PRKCB: variants seen among roughly 807,000 people sequenced by gnomAD.
PRKCB encodes the protein protein kinase C beta, also known as protein kinase C beta type.
A neutral mutation model predicts 81.5 loss-of-function variants in PRKCB; 13 were observed. That is an observed-to-expected ratio of 0.16 (90% CI 0.10 to 0.25). PRKCB has a LOEUF of 0.25. Among genes scored for constraint, PRKCB ranks in the 10% least tolerant of loss-of-function variants. The pLI, the probability that PRKCB is intolerant of heterozygous loss-of-function variation, is 1.00. For synonymous variants in PRKCB, 335 were observed against 321.4 expected (o/e 1.04, Z -0.45); for missense variants, 509 against 875.7 (o/e 0.58, Z 5.29).
At chr16:23,910,677 TAA>T (rs1963638199) in intron 2 of PRKCB, among the ~76,000 whole-genome samples, 1 of 152,236 alleles carries the variant, frequency 6.6e-6, no homozygotes, top group African/African-American at 2.4e-5. Flanking sequence ...TCATATAATG[TAA>T]AATTCACATT....
intron 5 of PRKCB, among the ~76,000 whole-genome samples, chr16:24,070,301 A>G (rs1301999681): frequency 6.6e-6 from 1 of 151,992 alleles, no homozygotes; most frequent in Non-Finnish European, 1.5e-5. Context: ...GGCATGTGCC[A>G]TCACTCTTGG....
intron 5 of PRKCB, among the ~76,000 whole-genome samples, chr16:24,075,760 A>G (rs1966169082): frequency 6.6e-6 from 1 of 152,154 alleles, no homozygotes; most frequent in Non-Finnish European, 1.5e-5. Flanking sequence ...TTGTAACTAT[A>G]TTTCTGTCCA....
chr16:23,964,917 G>A (rs1380706296), intron 2 of PRKCB, among the ~76,000 whole-genome samples: 1 of 152,092 alleles, frequency 6.6e-6, no homozygotes, highest in African/African-American at 2.4e-5. Flanking sequence ...TGATCCACCC[G>A]CCTTGGCCTC....
intron 7 of PRKCB, among the ~76,000 whole-genome samples, chr16:24,108,343 AAATTT>A (rs1437848321): frequency 0.027 from 3,417 of 126,532 alleles, 139 homozygotes; most frequent in African/African-American, 0.097. Flanking sequence ...ATTTTTTTTT[AAATTT>A]ATTTATTTAT....
intron 2 of PRKCB, among the ~76,000 whole-genome samples, chr16:23,948,742 T>C (rs912177590): frequency 6.6e-6 from 1 of 152,194 alleles, no homozygotes; most frequent in African/African-American, 2.4e-5. Context: ...GTGAGGTAGG[T>C]GTTATTATCC....
At chr16:23,862,803 C>T (rs374494678) in intron 2 of PRKCB, among the ~76,000 whole-genome samples, 14 of 152,046 alleles carry the variant, frequency 9.2e-5, no homozygotes, top group African/African-American at 2.7e-4. Context: ...AAAATAAGAC[C>T]GGGACTTGCT....
At chr16:23,933,917 A>ATCCC (rs1555485807) in intron 2 of PRKCB, among the ~76,000 whole-genome samples, 1 of 131,722 alleles carries the variant, frequency 7.6e-6, no homozygotes, top group Non-Finnish European at 1.6e-5. Flanking sequence ...CCATCCATCC[A>ATCCC]TCCTTCCATT....
chr16:24,196,495 G>GA (rs1212631542), intron 16 of PRKCB, among the ~76,000 whole-genome samples: 1 of 152,218 alleles, frequency 6.6e-6, no homozygotes, highest in Admixed American at 6.5e-5. Context: ...GCAATGCATT[G>GA]AATCACAGGA....
At chr16:24,212,954 C>T (rs570435001) in intron 16 of PRKCB, among the ~76,000 whole-genome samples, 2 of 152,194 alleles carry the variant, frequency 1.3e-5, no homozygotes, top group African/African-American at 4.8e-5. Flanking sequence ...TTCCCGCTGG[C>T]CCCTTCCCCA....
At position 24,115,915 on chromosome 16, in the gene PRKCB, T is replaced by TG. The variant is rs367990872; in HGVS notation, c.918+2850dup. Among the ~76,000 whole-genome samples, 2,814 of 152,070 alleles carry TG rather than the reference T, an allele frequency of 0.019. 160 individuals are homozygous for TG. In the East Asian group the frequency reaches 0.21, roughly 11 times the overall value. The stretch of plus-strand genomic sequence containing the variant: ...TAATTTTTTGTATTTTTAGTAGAGA[T>TG]GGGGTTTCACCATGTTAGCCAGGAT... On this transcript the variant is annotated intron_variant, in intron 8 of 16. Coordinates refer to ENST00000643927, the MANE Select transcript of PRKCB (RefSeq NM_002738.7).
chr16:24,193,476 T>TAAAA (rs1360499417), intron 16 of PRKCB, among the ~76,000 whole-genome samples: 1 of 139,806 alleles, frequency 7.2e-6, no homozygotes, highest in Non-Finnish European at 1.6e-5. Flanking sequence ...AATAAATAAA[T>TAAAA]AAATAAATAA....
chr16:23,947,114 C>G (rs556722811), intron 2 of PRKCB, among the ~76,000 whole-genome samples: 1 of 152,340 alleles, frequency 6.6e-6, no homozygotes, highest in East Asian at 1.9e-4. Context: ...CCTTGGCCTC[C>G]CAAAGCGCTG....
At chr16:24,010,140 A>G (rs1392334670) in intron 3 of PRKCB, among the ~76,000 whole-genome samples, 2 of 152,188 alleles carry the variant, frequency 1.3e-5, no homozygotes, top group African/African-American at 4.8e-5. Context: ...CCAGCTTCAG[A>G]GCCAGCAGGG....
At chr16:24,164,686 C>A (rs1227865095) in intron 10 of PRKCB, among the ~76,000 whole-genome samples, 3 of 152,112 alleles carry the variant, frequency 2.0e-5, no homozygotes, top group African/African-American at 4.8e-5. Context: ...ATCAGCCCAG[C>A]GAGATGAGAG....
At chr16:23,992,870 G>A (rs529817324) in intron 3 of PRKCB, among the ~76,000 whole-genome samples, 1 of 152,248 alleles carries the variant, frequency 6.6e-6, no homozygotes, top group African/African-American at 2.4e-5. Context: ...ATGAAGCTGG[G>A]GACATTGAGC....
intron 3 of PRKCB, among the ~76,000 whole-genome samples, chr16:24,002,259 G>A (rs1965045768): frequency 6.6e-6 from 1 of 151,694 alleles, no homozygotes. Flanking sequence ...TTAGTTTCAC[G>A]GTTCCAAGCA....
At position 24,214,798 on chromosome 16, in the gene PRKCB, A is replaced by T; in HGVS notation, c.2004A>T (p.Lys668Asn). The change falls in exon 17 of 17, where the codon AAA becomes AAT. Residue 668 changes from lysine to asparagine, a missense_variant. By Grantham distance (94) the Lys-to-Asn change is moderately conservative (BLOSUM62 0). Coordinates refer to ENST00000643927, the MANE Select transcript of PRKCB (RefSeq NM_002738.7). The stretch of plus-strand genomic sequence containing the variant: ...CCTTTGTTAACTCTGAATTTTTAAA[A>T]CCCGAAGTCAAGAGCTAAGTAGATG... Reference protein sequence around the residue: ...GFSFVNSEFLKPEVKS With the variant: ...GFSFVNSEFLNPEVKS 1 of 1,614,020 alleles carries T rather than the reference A, an allele frequency of 6.2e-7. No individual in the cohort carries two copies. Among genetic ancestry groups the T allele is most frequent in the South Asian group, 1.1e-5 (1 of 91,056 alleles).
At chr16:23,887,530 A>G (rs1963222585) in intron 2 of PRKCB, among the ~76,000 whole-genome samples, 1 of 152,056 alleles carries the variant, frequency 6.6e-6, no homozygotes, top group Non-Finnish European at 1.5e-5. Context: ...ACATGATTTC[A>G]TTTTTTTTAT....
At chr16:23,952,768 G>GA (rs962978069) in intron 2 of PRKCB, among the ~76,000 whole-genome samples, 4 of 152,234 alleles carry the variant, frequency 2.6e-5, no homozygotes, top group Middle Eastern at 3.4e-3. Context: ...TGAAATGTGT[G>GA]AAAAAATAGT....
Sources: allele counts gnomAD v4.1 joint callset (sites outside exome capture counted in the v4.1 genomes callset), GRCh38; gene constraint gnomAD v4.1.1; transcripts MANE v1.5; gene names NCBI Gene and HGNC (gene_info 2026-07-23, HGNC 2026-07-21).